EPS8: variants seen among roughly 807,000 people sequenced by gnomAD.
EPS8 encodes the protein epidermal growth factor receptor kinase substrate 8.
In EPS8, 42 loss-of-function variants were observed where a neutral mutation model predicts 103.8. That is an observed-to-expected ratio of 0.40 (90% CI 0.32 to 0.52). The LOEUF is 0.52. Among genes scored for constraint, EPS8 ranks in the 20% least tolerant of loss-of-function variants. The probability of loss-of-function intolerance (pLI) is 0.40; values close to 1 mark genes in which losing one functional copy is unlikely to be tolerated. For missense variants in EPS8, 969 were observed against 1,005.1 expected (o/e 0.96, Z 0.49); for synonymous variants, 344 against 344.6 (o/e 1.00, Z 0.02).
intron 17 of EPS8, among the ~76,000 whole-genome samples, chr12:15,634,462 T>C (rs1294231747): frequency 6.6e-6 from 1 of 152,172 alleles, no homozygotes; most frequent in Non-Finnish European, 1.5e-5. Context: ...TTCTAAAGAA[T>C]TAAAGAATGC....
chr12:15,625,793 G>C (rs1179629333), intron 18 of EPS8, among the ~76,000 whole-genome samples: 1 of 151,886 alleles, frequency 6.6e-6, no homozygotes, highest in African/African-American at 2.4e-5. Context: ...GTGCTCTAGG[G>C]GACACTCCTG....
rs747304012 is a variant in EPS8 at position 15,762,934 on chromosome 12, T to C, written c.-22+26227A>G. ...TATTTTTAAAATAGCTAAAATAGTATAATTGGATTGTTTGTAACACAAAGG... is the reference window on the plus strand; with the variant it reads ...TATTTTTAAAATAGCTAAAATAGTACAATTGGATTGTTTGTAACACAAAGG... On this transcript the variant is annotated intron_variant, in intron 1 of 20. Coordinates refer to ENST00000281172, the MANE Select transcript of EPS8 (RefSeq NM_004447.6). The surrounding 1 kb of genome is among the most constrained non-coding windows in gnomAD (Gnocchi z 4.8). 6.6e-6 allele frequency among the ~76,000 whole-genome samples: 1 copy of C among 152,194 alleles called. No homozygotes were observed. Among genetic ancestry groups the C allele is most frequent in the Non-Finnish European group, 1.5e-5 (1 of 68,030 alleles).
In EPS8 at chr12:15,721,084, A is replaced by C. The variant is rs983459299; in HGVS notation, c.-21-38112T>G. On this transcript the variant is annotated intron_variant, in intron 1 of 20. Transcript: ENST00000281172. This position sits in a 1 kb window ranked among gnomAD's most constrained non-coding sequence, Gnocchi z 4.4. ...TGAGGGCAAGGGCCAGCCTTTGTTT[A>C]CCACTGTATCCCCAGCACTTAGTAC... Among the ~76,000 whole-genome samples the C allele has an allele frequency of 3.9e-5, 6 of 152,192 alleles. No homozygotes were observed. Among genetic ancestry groups the C allele is most frequent in the Non-Finnish European group, 7.3e-5 (5 of 68,032 alleles).
intron 3 of EPS8, among the ~76,000 whole-genome samples, chr12:15,671,398 C>T (rs922552108): frequency 2.6e-5 from 4 of 151,930 alleles, no homozygotes; most frequent in African/African-American, 9.7e-5. Flanking sequence ...TTGCAATATC[C>T]AAATTGGGAT....
In EPS8 at chr12:15,688,706, C is replaced by T. The variant is rs1946129899; in HGVS notation, c.-21-5734G>A. Among the ~76,000 whole-genome samples the T allele has an allele frequency of 6.6e-6, 1 of 152,136 alleles. No individual in the cohort carries two copies. Among genetic ancestry groups the T allele is most frequent in the African/African-American group, 2.4e-5 (1 of 41,428 alleles). On this transcript the variant is annotated intron_variant, in intron 1 of 20. Transcript: ENST00000281172. This position sits in a 1 kb window ranked among gnomAD's most constrained non-coding sequence, Gnocchi z 5.1. Reference sequence around the variant, plus strand: ...TTGTGGCTCCCCCATCTGCTGAGAGCTACCTCCACTCAATAAAACCCTGCA... The same window carrying T: ...TTGTGGCTCCCCCATCTGCTGAGAGTTACCTCCACTCAATAAAACCCTGCA...
rs974344459 is a variant in EPS8, at chr12:15,769,749, C to T, written c.-22+19412G>A. ...GTCTTTTGTCTAACACTAGCATTCACGAGAATCTGATCACAGAGCAAAATA... is the reference window on the plus strand; with the variant it reads ...GTCTTTTGTCTAACACTAGCATTCATGAGAATCTGATCACAGAGCAAAATA... On this transcript the variant is annotated intron_variant, in intron 1 of 20. Coordinates refer to ENST00000281172, the MANE Select transcript of EPS8 (RefSeq NM_004447.6). This position sits in a 1 kb window ranked among gnomAD's most constrained non-coding sequence, Gnocchi z 4.6. Among the ~76,000 whole-genome samples, 6 of 152,072 alleles carry T rather than the reference C, an allele frequency of 3.9e-5. No individual in the cohort carries two copies. The highest frequency in any genetic ancestry group is 1.2e-4 in the African/African-American group (5 of 41,412).
chr12:15,748,687 A>G lies in EPS8; in HGVS notation c.-22+40474T>C, dbSNP rs1362903701. Among the ~76,000 whole-genome samples, 2 of 152,220 alleles carry G rather than the reference A, an allele frequency of 1.3e-5. No individual in the cohort carries two copies. The highest frequency in any genetic ancestry group is 4.8e-5 in the African/African-American group (2 of 41,454). ...TGCCCAGTTAGTTTAAAATGGAATA[A>G]CTCTAGATAGAAAATTCTATTCTGC... On this transcript the variant is annotated intron_variant, in intron 1 of 20. Coordinates refer to ENST00000281172, the MANE Select transcript of EPS8 (RefSeq NM_004447.6). The surrounding 1 kb of genome is among the most constrained non-coding windows in gnomAD (Gnocchi z 4.8).
chr12:15,749,318 A>G lies in EPS8; in HGVS notation c.-22+39843T>C, dbSNP rs1946907397. Among the ~76,000 whole-genome samples the G allele has an allele frequency of 6.6e-6, 1 of 152,156 alleles. No homozygotes were observed. Among genetic ancestry groups the G allele is most frequent in the Non-Finnish European group, 1.5e-5 (1 of 68,024 alleles). On this transcript the variant is annotated intron_variant, in intron 1 of 20. Coordinates refer to ENST00000281172, the MANE Select transcript of EPS8 (RefSeq NM_004447.6). The surrounding 1 kb of genome is among the most constrained non-coding windows in gnomAD (Gnocchi z 4.0). ...GCATTTCATTGACAATTCATGCATTATAATTTATTGAAATTCTTATTTGCT... is the reference window on the plus strand; with the variant it reads ...GCATTTCATTGACAATTCATGCATTGTAATTTATTGAAATTCTTATTTGCT...
chr12:15,682,685 T>A (rs1242841996), intron 2 of EPS8, among the ~76,000 whole-genome samples: 1 of 152,220 alleles, frequency 6.6e-6, no homozygotes, highest in African/African-American at 2.4e-5. Flanking sequence ...AATATCATTA[T>A]CATAAGGCTA....
chr12:15,632,668 T>C (rs1286268385), intron 17 of EPS8, among the ~76,000 whole-genome samples: 1 of 152,212 alleles, frequency 6.6e-6, no homozygotes, highest in East Asian at 1.9e-4. Flanking sequence ...TAGAACAGTA[T>C]TTACTTTTAA....
intron 16 of EPS8, 25 bp from the exon 17 acceptor site, chr12:15,640,871 T>A: frequency 6.2e-7 from 1 of 1,605,902 alleles, no homozygotes; most frequent in Non-Finnish European, 8.5e-7. Flanking sequence ...AAAATAAAGG[T>A]ATAATTTCCA....
chr12:15,738,695 T>C lies in EPS8; in HGVS notation c.-22+50466A>G, dbSNP rs1166095409. On this transcript the variant is annotated intron_variant, in intron 1 of 20. Coordinates refer to ENST00000281172, the MANE Select transcript of EPS8 (RefSeq NM_004447.6). This position sits in a 1 kb window ranked among gnomAD's most constrained non-coding sequence, Gnocchi z 6.2. The stretch of plus-strand genomic sequence containing the variant: ...TAATATCAGTCATTTGTTTGCATAT[T>C]TGTCTCATAGTTGGAATATAAACTA... Among the ~76,000 whole-genome samples the C allele has an allele frequency of 6.6e-6, 1 of 152,172 alleles. No homozygotes were observed. Among genetic ancestry groups the C allele is most frequent in the Non-Finnish European group, 1.5e-5 (1 of 68,006 alleles).
intron 1 of EPS8, among the ~76,000 whole-genome samples, chr12:15,744,537 C>T (rs1475922644): frequency 6.6e-6 from 1 of 152,166 alleles, no homozygotes; most frequent in Non-Finnish European, 1.5e-5. Flanking sequence ...TTCAAGATTC[C>T]AGGCTCTTTT....
chr12:15,730,221 C>A (rs1480059875), intron 1 of EPS8, among the ~76,000 whole-genome samples: 2 of 151,964 alleles, frequency 1.3e-5, no homozygotes, highest in East Asian at 3.8e-4. Flanking sequence ...AGTCATTTAC[C>A]CATTCAGCTA....
intron 1 of EPS8, among the ~76,000 whole-genome samples, chr12:15,722,315 T>C (rs771806995): frequency 6.6e-6 from 1 of 151,952 alleles, no homozygotes; most frequent in African/African-American, 2.4e-5. Context: ...CAGCCTATTT[T>C]AAACAATTAC....
In EPS8 at chr12:15,769,488, T is replaced by A. The variant is rs1426782451; in HGVS notation, c.-22+19673A>T. ...TAGCATTACAGTTATTACTCAACTT[T>A]GGAAAAATTACACAAATATAAGACG... On this transcript the variant is annotated intron_variant, in intron 1 of 20. Transcript: ENST00000281172. This position sits in a 1 kb window ranked among gnomAD's most constrained non-coding sequence, Gnocchi z 4.6. 6.6e-6 allele frequency among the ~76,000 whole-genome samples: 1 copy of A among 152,198 alleles called. No individual in the cohort carries two copies. The highest frequency in any genetic ancestry group is 1.5e-5 in the Non-Finnish European group (1 of 68,028).
At position 15,778,823 on chromosome 12, in the gene EPS8, T is replaced by C. The variant is rs73316996; in HGVS notation, c.-22+10338A>G. Among the ~76,000 whole-genome samples the C allele has an allele frequency of 0.011, 1,716 of 152,334 alleles. 35 individuals are homozygous for C. The highest frequency in any genetic ancestry group is 0.04 in the African/African-American group (1,645 of 41,568). ...AAAGGTAGTGTTTTCATTTCTTCCA[T>C]ATATGAAAGAAACTATCAAATGCAG... On this transcript the variant is annotated intron_variant, in intron 1 of 20. Coordinates refer to ENST00000281172, the MANE Select transcript of EPS8 (RefSeq NM_004447.6). This position sits in a 1 kb window ranked among gnomAD's most constrained non-coding sequence, Gnocchi z 4.5.
chr12:15,622,921 T>C (rs767883449), intron 20 of EPS8, among the ~76,000 whole-genome samples: 3 of 152,176 alleles, frequency 2.0e-5, no homozygotes, highest in Non-Finnish European at 4.4e-5. Flanking sequence ...ATGAGAACAT[T>C]ATGCTTTTTG....
rs1375405416 is a variant in EPS8, at chr12:15,620,765, T to C, written c.*552A>G. ...TATATTTGCATGTCCAAGGTATGGCTGTACTTTACAGTTCATTCAAATGTT... is the reference window on the plus strand; with the variant it reads ...TATATTTGCATGTCCAAGGTATGGCCGTACTTTACAGTTCATTCAAATGTT... On this transcript the variant is annotated 3_prime_UTR_variant, in exon 21 of 21. Coordinates refer to ENST00000281172, the MANE Select transcript of EPS8 (RefSeq NM_004447.6). The C allele has an allele frequency of 6.6e-6, 1 of 152,472 alleles. No homozygotes were observed. Among genetic ancestry groups the C allele is most frequent in the Non-Finnish European group, 1.5e-5 (1 of 68,108 alleles). 9.4% of individuals were successfully genotyped at this position (152,472 alleles called of 1,614,324 possible).
Sources: allele counts gnomAD v4.1 joint callset (sites outside exome capture counted in the v4.1 genomes callset), GRCh38; gene constraint gnomAD v4.1.1; non-coding constraint Gnocchi (gnomAD v3.1); transcripts MANE v1.5; gene names NCBI Gene and HGNC (gene_info 2026-07-23, HGNC 2026-07-21).